The following MLKL variants were observed in gnomAD, a reference collection of about 807,000 sequenced individuals.
MLKL encodes the protein mixed lineage kinase domain-like protein.
MLKL carries 55 observed loss-of-function variants against 56.5 expected under a neutral mutation model. That is an observed-to-expected ratio of 0.97 (90% CI 0.78 to 1.22). The LOEUF (loss-of-function observed/expected upper bound fraction) is 1.22, where lower values mean the gene tolerates loss of function less well. Ranked by LOEUF, MLKL falls within the 50% of genes most tolerant of loss-of-function variation. MLKL has a pLI of 0.00. For missense variants in MLKL, 694 were observed against 573.9 expected (o/e 1.21, Z -2.14); for synonymous variants, 251 against 208.3 (o/e 1.20, Z -1.76).
intron 10 of MLKL, 61 bp downstream of exon 10, chr16:74,674,899 A>G (rs921368619): frequency 1.9e-6 from 3 of 1,565,798 alleles, no homozygotes; most frequent in African/African-American, 2.7e-5. Flanking sequence ...TGAAAAGGAA[A>G]TCTTTCACAA....
At chr16:74,682,152 G>A (rs1960018654) in intron 6 of MLKL, among the ~76,000 whole-genome samples, 1 of 152,030 alleles carries the variant, frequency 6.6e-6, no homozygotes, top group Non-Finnish European at 1.5e-5. Flanking sequence ...CTTCTCAGGA[G>A]GCTAAGGTAG....
Position 74,682,632 on chromosome 16 carries a change from C to A in MLKL, c.956+19G>T, listed in dbSNP as rs1244584393. The A allele has an allele frequency of 6.2e-7, 1 of 1,613,172 alleles. No homozygotes were observed. The highest frequency in any genetic ancestry group is 1.3e-5 in the African/African-American group (1 of 75,010). ...CAGACCCATCCAACCCTTAGTGGCG[C>A]CTTTTCACCCCGTCTTACCGGTATA... is the stretch of plus-strand genomic sequence containing the variant. On this transcript the variant is annotated intron_variant, in intron 6 of 10. Transcript: ENST00000308807.
chr16:74,699,717 C>T (rs1158277472), intron 1 of MLKL, among the ~76,000 whole-genome samples: 1 of 152,090 alleles, frequency 6.6e-6, no homozygotes, highest in Non-Finnish European at 1.5e-5. Context: ...GGAGGATCAC[C>T]TGAGCCCAGG....
At chr16:74,685,902 T>A (rs754586831) in intron 4 of MLKL, among the ~76,000 whole-genome samples, 1 of 152,186 alleles carries the variant, frequency 6.6e-6, no homozygotes, top group Non-Finnish European at 1.5e-5. Context: ...AAGTATTTGT[T>A]ACTGTTTTTA....
chr16:74,675,470 C>A (rs1959536958), intron 8 of MLKL, 66 bp from the exon 9 acceptor site: 1 of 1,586,640 alleles, frequency 6.3e-7, no homozygotes, highest in Non-Finnish European at 8.6e-7. Flanking sequence ...CCTCTAGCCA[C>A]TGCCAGAAAA....
chr16:74,672,483 C>G lies in MLKL; in HGVS notation c.*21G>C. On this transcript the variant is annotated 3_prime_UTR_variant, in exon 11 of 11. Transcript: ENST00000308807. ...CTCCCAGCTTCTTGTCCAGAGACTC[C>G]TTGGTTTAGATTTTGATACACTACT... 1 of 1,610,482 alleles carries G rather than the reference C, an allele frequency of 6.2e-7. No homozygotes were observed. The highest frequency in any genetic ancestry group is 8.5e-7 in the Non-Finnish European group (1 of 1,176,878).
intron 10 of MLKL, 88 bp from the exon 11 acceptor site, chr16:74,672,626 A>G: frequency 8.2e-7 from 1 of 1,223,680 alleles, no homozygotes; most frequent in Non-Finnish European, 1.2e-6. Context: ...TTGCACAGTC[A>G]TTTAGAAACT....
At chr16:74,695,181 G>T in intron 2 of MLKL, 117 bp downstream of exon 2, 1 of 1,124,836 alleles carries the variant, frequency 8.9e-7, no homozygotes, top group Non-Finnish European at 1.3e-6. Flanking sequence ...TAGGAGTTTT[G>T]AGGTACAAGT....
At chr16:74,684,685 G>A (rs1490638362) in intron 5 of MLKL, among the ~76,000 whole-genome samples, 1 of 150,920 alleles carries the variant, frequency 6.6e-6, no homozygotes, top group Non-Finnish European at 1.5e-5. Context: ...TAGTAGAGAC[G>A]GGGTTTCATC....
At chr16:74,693,996 G>A (rs1000551514) in intron 2 of MLKL, among the ~76,000 whole-genome samples, 2 of 152,148 alleles carry the variant, frequency 1.3e-5, no homozygotes, top group Admixed American at 6.6e-5. Context: ...TTTGTGTGCT[G>A]CTAGTATGAT....
At chr16:74,681,456 A>G (rs1959961632) in intron 6 of MLKL, among the ~76,000 whole-genome samples, 2 of 152,120 alleles carry the variant, frequency 1.3e-5, no homozygotes, top group African/African-American at 4.8e-5. Context: ...GGGACTAAGA[A>G]TCCATAGATT....
chr16:74,695,658 G>A lies in MLKL; in HGVS notation c.100C>T (p.Arg34Cys), dbSNP rs199701374. The change falls in exon 2 of 11, where the codon CGC (arginine) becomes TGC (cysteine). Residue 34 changes from arginine to cysteine, a missense_variant. Coordinates refer to ENST00000308807, the MANE Select transcript of MLKL (RefSeq NM_152649.4). ...CKKQCRRLGHRVLGLIKPLEM... is the reference protein window; with the variant it reads ...CKKQCRRLGHCVLGLIKPLEM... ...AGAGGCTTGATCAGGCCGAGGACGC[G>A]GTGGCCCAGGCGCCGGCACTGTTTC... 6.2e-7 allele frequency: 1 copy of A among 1,614,124 alleles called. No homozygotes were observed. Among genetic ancestry groups the A allele is most frequent in the Non-Finnish European group, 8.5e-7 (1 of 1,180,032 alleles).
At chr16:74,684,250 C>T (rs966052754) in intron 5 of MLKL, among the ~76,000 whole-genome samples, 4 of 151,522 alleles carry the variant, frequency 2.6e-5, no homozygotes, top group Admixed American at 1.3e-4. Context: ...GCCTGGCCTA[C>T]GTTTCCCTTT....
At chr16:74,680,732 C>T (rs1012570606) in intron 6 of MLKL, among the ~76,000 whole-genome samples, 1 of 152,142 alleles carries the variant, frequency 6.6e-6, no homozygotes, top group East Asian at 1.9e-4. Context: ...CTCTTGATCT[C>T]TTTACCTTGT....
At chr16:74,688,693 A>G (rs1960484638) in intron 4 of MLKL, among the ~76,000 whole-genome samples, 1 of 152,180 alleles carries the variant, frequency 6.6e-6, no homozygotes, top group Non-Finnish European at 1.5e-5. Flanking sequence ...AGCCTGGGTG[A>G]CAGAGCAAGA....
At chr16:74,681,305 C>T (rs1356563402) in intron 6 of MLKL, among the ~76,000 whole-genome samples, 2 of 151,876 alleles carry the variant, frequency 1.3e-5, no homozygotes, top group African/African-American at 2.4e-5. Flanking sequence ...GGATTATGGG[C>T]GTGAGCCACT....
rs140587704 is a variant in MLKL, at chr16:74,695,459, T to C, written c.299A>G (p.Asp100Gly). 29 of 1,614,098 alleles carry C rather than the reference T, an allele frequency of 1.8e-5. No homozygotes were observed. The highest frequency in any genetic ancestry group is 1.6e-4 in the Middle Eastern group (1 of 6,084). The change falls in exon 2 of 11, where the codon GAC (aspartate) becomes GGC (glycine). Residue 100 changes from aspartate (D) to glycine (G), a missense_variant. By Grantham distance (94) the Asp-to-Gly change is moderately conservative. Transcript: ENST00000308807. Reference sequence around the variant, plus strand: ...GACATCACTCAGCTTCCTGTTCACGTCCTTGAAGAGTATTTTGTCCTGGCT... The same window carrying C: ...GACATCACTCAGCTTCCTGTTCACGCCCTTGAAGAGTATTTTGTCCTGGCT... ...TASQDKILFKDVNRKLSDVWK... is the reference protein window; with the variant it reads ...TASQDKILFKGVNRKLSDVWK...
chr16:74,698,619 A>G (rs72792727), intron 1 of MLKL, among the ~76,000 whole-genome samples: 16,683 of 152,268 alleles, frequency 0.11, 958 homozygotes, highest in African/African-American at 0.12. Flanking sequence ...CACCAGAAAC[A>G]GAAGCAAATG....
chr16:74,694,765 G>GAAACA (rs973027530), intron 2 of MLKL, among the ~76,000 whole-genome samples: 9 of 152,068 alleles, frequency 5.9e-5, no homozygotes, highest in South Asian at 2.1e-4. Flanking sequence ...CTCAAAAAAT[G>GAAACA]AAACAAAACA....
Sources: allele counts gnomAD v4.1 joint callset (sites outside exome capture counted in the v4.1 genomes callset), GRCh38; gene constraint gnomAD v4.1.1; transcripts MANE v1.5; gene names NCBI Gene and HGNC (gene_info 2026-07-23, HGNC 2026-07-21).